MTA3: variants seen among roughly 807,000 people sequenced by gnomAD.
MTA3 encodes metastasis-associated protein MTA3.
MTA3 carries 34 observed loss-of-function variants against 83.5 expected under a neutral mutation model. The ratio of observed to expected loss-of-function variants is 0.41; its 90% CI spans 0.31 to 0.54. The LOEUF is 0.54. MTA3 is among the 20% of genes least tolerant of loss of function. The probability of loss-of-function intolerance (pLI) is 0.33; values close to 1 mark genes in which losing one functional copy is unlikely to be tolerated. For missense variants in MTA3, 761 were observed against 726.4 expected (o/e 1.05, Z -0.55); for synonymous variants, 303 against 252.7 (o/e 1.20, Z -1.89).
intron 3 of MTA3, 51 bp downstream of exon 3, chr2:42,579,251 G>T (rs1679357827): frequency 7.5e-7 from 1 of 1,337,950 alleles, no homozygotes; most frequent in Admixed American, 2.4e-5. Context: ...TGTGTTTTTT[G>T]TGATGAGGTG....
At chr2:42,679,267 C>T (rs771782097) in intron 8 of MTA3, among the ~76,000 whole-genome samples, 1 of 152,106 alleles carries the variant, frequency 6.6e-6, no homozygotes, top group African/African-American at 2.4e-5. Context: ...TGGCTCACTC[C>T]CCTTCTCATC....
intron 2 of MTA3, among the ~76,000 whole-genome samples, chr2:42,527,658 T>TA (rs1034046804): frequency 1.5e-4 from 22 of 151,672 alleles, no homozygotes; most frequent in African/African-American, 5.3e-4. Context: ...ATAATTTTTT[T>TA]AATTAAATAT....
At chr2:42,653,499 C>T (rs577913105) in intron 6 of MTA3, among the ~76,000 whole-genome samples, 2 of 152,138 alleles carry the variant, frequency 1.3e-5, no homozygotes, top group African/African-American at 4.8e-5. Context: ...AGTGATCAAA[C>T]TGATATGAAT....
chr2:42,550,545 G>T (rs1046090635), intron 2 of MTA3, among the ~76,000 whole-genome samples: 3 of 152,306 alleles, frequency 2.0e-5, no homozygotes, highest in East Asian at 3.9e-4. Flanking sequence ...TGGGTGCAAG[G>T]CTTAGGCCAA....
Position 42,644,199 on chromosome 2 carries a change from G to A in MTA3, c.454G>A (p.Val152Met). ...ATTAGCTGACAAAGGTGAAATCAGAGTGGGACCTAGATATCAAGCAGACAT... is the reference window on the plus strand; with the variant it reads ...ATTAGCTGACAAAGGTGAAATCAGAATGGGACCTAGATATCAAGCAGACAT... ...TLLADKGEIRVGPRYQADIPE... is the reference protein window; with the variant it reads ...TLLADKGEIRMGPRYQADIPE... The change falls in exon 6 of 17, where the codon GTG becomes ATG. Residue 152 changes from valine (V) to methionine (M), a missense_variant. Coordinates refer to ENST00000405094, the MANE Select transcript of MTA3 (RefSeq NM_001330442.2). 2 of 1,613,106 alleles carry A rather than the reference G, an allele frequency of 1.2e-6. No homozygotes were observed. The highest frequency in any genetic ancestry group is 1.7e-6 in the Non-Finnish European group (2 of 1,179,536).
At chr2:42,499,755 T>C (rs1674311862) in intron 2 of MTA3, among the ~76,000 whole-genome samples, 1 of 147,406 alleles carries the variant, frequency 6.8e-6, no homozygotes, top group African/African-American at 2.5e-5. Flanking sequence ...GGCAATGCAC[T>C]ACAGCCTAGG....
intron 8 of MTA3, among the ~76,000 whole-genome samples, chr2:42,661,885 T>G (rs1488372814): frequency 2.6e-5 from 4 of 152,216 alleles, no homozygotes; most frequent in African/African-American, 7.2e-5. Flanking sequence ...TAGTTAATGT[T>G]GAAGTCTCTA....
Position 42,621,154 on chromosome 2 carries a change from G to A in MTA3, c.317+11570G>A, listed in dbSNP as rs1027852738. ...AGAGTTTTTTTTTTTTTTTTTAATT[G>A]ATCATTCTTGGGTGTTTCTCGCAGA... On this transcript the variant is annotated intron_variant, in intron 4 of 16. Coordinates refer to ENST00000405094, the MANE Select transcript of MTA3 (RefSeq NM_001330442.2). Among the ~76,000 whole-genome samples the A allele has an allele frequency of 1.5e-3, 148 of 96,280 alleles. 1 individual carries two copies. The highest frequency in any genetic ancestry group is 4.5e-3 in the African/African-American group (110 of 24,396). 63.2% of individuals were successfully genotyped at this position (96,280 alleles called of 152,430 possible).
At chr2:42,711,934 T>C (rs1407722283) in intron 14 of MTA3, among the ~76,000 whole-genome samples, 3 of 152,144 alleles carry the variant, frequency 2.0e-5, no homozygotes, top group Non-Finnish European at 4.4e-5. Flanking sequence ...CTGAAGTGTG[T>C]TATTCTCAAA....
intron 6 of MTA3, among the ~76,000 whole-genome samples, chr2:42,647,868 C>T (rs1377068231): frequency 6.6e-6 from 1 of 151,970 alleles, no homozygotes; most frequent in Admixed American, 6.6e-5. Context: ...AATGGAGTTT[C>T]GCTCTTGTTG....
chr2:42,545,292 C>A (rs1410526783), intron 2 of MTA3, among the ~76,000 whole-genome samples: 1 of 152,078 alleles, frequency 6.6e-6, no homozygotes, highest in Non-Finnish European at 1.5e-5. Context: ...GTGAGAGGAT[C>A]ACTTGAGCCT....
chr2:42,650,526 G>A (rs1452107708), intron 6 of MTA3, among the ~76,000 whole-genome samples: 3 of 151,846 alleles, frequency 2.0e-5, no homozygotes, highest in South Asian at 2.1e-4. Flanking sequence ...TGCAAGCTCC[G>A]CCTCCCGGGT....
intron 2 of MTA3, among the ~76,000 whole-genome samples, chr2:42,546,492 G>C (rs372758247): frequency 3.0e-5 from 4 of 132,116 alleles, no homozygotes; most frequent in African/African-American, 1.1e-4. Context: ...GGCAACTTTG[G>C]TCATCCTTTT....
At chr2:42,520,247 G>A (rs1435543988) in intron 2 of MTA3, among the ~76,000 whole-genome samples, 1 of 152,114 alleles carries the variant, frequency 6.6e-6, no homozygotes, top group Non-Finnish European at 1.5e-5. Context: ...TCCAAACCCT[G>A]CACCTGTAGG....
At chr2:42,687,451 T>G (rs1000645059) in intron 9 of MTA3, among the ~76,000 whole-genome samples, 3 of 152,216 alleles carry the variant, frequency 2.0e-5, no homozygotes, top group Non-Finnish European at 4.4e-5. Context: ...AGTTTATTCA[T>G]TCACCTGTTG....
At chr2:42,671,305 G>A (rs761385492) in intron 8 of MTA3, among the ~76,000 whole-genome samples, 8 of 151,718 alleles carry the variant, frequency 5.3e-5, no homozygotes, top group Non-Finnish European at 1.0e-4. Flanking sequence ...ACAGTTTGCC[G>A]TATTTGTAGT....
chr2:42,586,123 C>G (rs1303490624), intron 3 of MTA3, among the ~76,000 whole-genome samples: 1 of 151,518 alleles, frequency 6.6e-6, no homozygotes. Context: ...ACTAAGAATG[C>G]AAAATTAACT....
chr2:42,527,738 T>A (rs1675782539), intron 2 of MTA3, among the ~76,000 whole-genome samples: 1 of 152,002 alleles, frequency 6.6e-6, no homozygotes, highest in South Asian at 2.1e-4. Context: ...TGCATATGTT[T>A]CAGCTACTCA....
intron 4 of MTA3, among the ~76,000 whole-genome samples, chr2:42,615,799 C>G (rs1684806064): frequency 7.4e-6 from 1 of 135,302 alleles, no homozygotes; most frequent in Admixed American, 8.7e-5. Flanking sequence ...TGGCTCACTG[C>G]AAGCTCTGCC....
Sources: gnomAD v4.1 joint callset for allele counts (sites outside exome capture counted in the v4.1 genomes callset) on GRCh38, gnomAD v4.1.1 for gene constraint, MANE v1.5 for transcripts, NCBI Gene and HGNC (gene_info 2026-07-23, HGNC 2026-07-21) for gene names.